CNTNAP2: variants seen among roughly 807,000 people sequenced by gnomAD.
CNTNAP2 encodes contactin associated protein 2.
A neutral mutation model predicts 155.2 loss-of-function variants in CNTNAP2; 98 were observed. That is an observed-to-expected ratio of 0.63 (90% confidence interval 0.54 to 0.75). The LOEUF is 0.75. Ranked by LOEUF, CNTNAP2 falls within the 30% of genes least tolerant of loss-of-function variation. CNTNAP2 has a pLI of 0.00. For synonymous variants in CNTNAP2, 651 were observed against 631.2 expected (o/e 1.03, Z -0.47); for missense variants, 1,727 against 1,688.1 (o/e 1.02, Z -0.40).
rs752846444 is a variant in CNTNAP2 at position 148,217,370 on chromosome 7, C to T, written c.3093C>T (p.Ser1031=). The T allele has an allele frequency of 8.7e-6, 14 of 1,614,160 alleles. No homozygotes were observed. The South Asian group carries it at 1.5e-4, about 18-fold the overall frequency. The change falls in exon 19 of 24, where the codon AGC becomes AGT. Residue 1031 remains serine, a synonymous_variant. Transcript: ENST00000361727. ...CAACAAATGCCAGAGACTCCAGCAG[C>T]AGAGTAGACAACGCTCCCGACCAGC... ...APATNARDSS[S]RVDNAPDQQN... is the part of the protein sequence containing the mutation.
chr7:147,891,690 A>G (rs1013792199), intron 13 of CNTNAP2, among the ~76,000 whole-genome samples: 1 of 152,248 alleles, frequency 6.6e-6, no homozygotes, highest in African/African-American at 2.4e-5. Context: ...TACCTGGAAT[A>G]TAACATAAAT....
chr7:147,880,970 A>G (rs1465303256), intron 13 of CNTNAP2, among the ~76,000 whole-genome samples: 1 of 151,902 alleles, frequency 6.6e-6, no homozygotes, highest in South Asian at 2.1e-4. Flanking sequence ...AATAATGTAC[A>G]TCTCCTGAGA....
At chr7:147,368,776 T>C (rs1796289943) in intron 9 of CNTNAP2, among the ~76,000 whole-genome samples, 2 of 152,220 alleles carry the variant, frequency 1.3e-5, no homozygotes, top group East Asian at 1.9e-4. Flanking sequence ...AAAGAGTTCC[T>C]CTTATTGCTG....
intron 1 of CNTNAP2, among the ~76,000 whole-genome samples, chr7:146,308,301 T>C (rs1800753630): frequency 6.6e-6 from 1 of 152,122 alleles, no homozygotes; most frequent in African/African-American, 2.4e-5. Context: ...CCAGTTAGAA[T>C]GGCAATCATT....
chr7:147,557,053 C>A (rs987300677), intron 11 of CNTNAP2, among the ~76,000 whole-genome samples: 4 of 150,586 alleles, frequency 2.7e-5, no homozygotes, highest in Non-Finnish European at 4.4e-5. Context: ...AGGCGGGGGT[C>A]AGGATTTTGA....
intron 14 of CNTNAP2, among the ~76,000 whole-genome samples, chr7:147,948,625 A>T (rs1472967800): frequency 6.9e-6 from 1 of 144,098 alleles, no homozygotes; most frequent in Admixed American, 6.9e-5. Flanking sequence ...ATACATATAT[A>T]TTTACACACA....
At chr7:147,839,446 G>A (rs943407689) in intron 13 of CNTNAP2, among the ~76,000 whole-genome samples, 1 of 152,196 alleles carries the variant, frequency 6.6e-6, no homozygotes, top group African/African-American at 2.4e-5. Flanking sequence ...GTGAGGCTGG[G>A]TGGCGGTAAA....
At position 147,902,794 on chromosome 7, in the gene CNTNAP2, G is replaced by GTGTGTGTA. The variant is rs1554447655; in HGVS notation, c.2099-764_2099-763insATGTGTGT. On this transcript the variant is annotated intron_variant, in intron 13 of 23. Coordinates refer to ENST00000361727, the MANE Select transcript of CNTNAP2 (RefSeq NM_014141.6). ...CATATATGTTTGTGTGTGTGTGTGT[G>GTGTGTGTA]TGTGTGTGTGTGTGTGTGTATGTGT... Among the ~76,000 whole-genome samples, 20 of 137,140 alleles carry GTGTGTGTA rather than the reference G, an allele frequency of 1.5e-4. No homozygotes were observed. The East Asian group carries it at 2.4e-3, about 16-fold the overall frequency. 90.0% of individuals were successfully genotyped at this position (137,140 alleles called of 152,430 possible). A position where few individuals can be genotyped will look rare whatever the true frequency, so the allele number is the denominator to read the frequency against.
chr7:147,927,672 T>C (rs1259826527), intron 14 of CNTNAP2, among the ~76,000 whole-genome samples: 1 of 152,224 alleles, frequency 6.6e-6, no homozygotes, highest in Non-Finnish European at 1.5e-5. Context: ...TTAACTATAC[T>C]TGATCAATAA....
At chr7:147,334,024 C>T (rs1466810562) in intron 9 of CNTNAP2, among the ~76,000 whole-genome samples, 1 of 152,162 alleles carries the variant, frequency 6.6e-6, no homozygotes, top group African/African-American at 2.4e-5. Context: ...CTTTCAAGGG[C>T]TCATGTGCTT....
rs554671452 is a variant in CNTNAP2, at chr7:146,666,988, T to C, written c.98-107283T>C. On this transcript the variant is annotated intron_variant, in intron 1 of 23. Coordinates refer to ENST00000361727, the MANE Select transcript of CNTNAP2 (RefSeq NM_014141.6). ...TGTGCAGAAGCTTTTTAGTTTGATA[T>C]GATACCATTTGTTTATTTTTGCTTT... Among the ~76,000 whole-genome samples, 130 of 152,232 alleles carry C rather than the reference T, an allele frequency of 8.5e-4. No homozygotes were observed. In the South Asian group the frequency reaches 0.016, roughly 19 times the overall value.
At chr7:146,716,626 C>T (rs1190886816) in intron 1 of CNTNAP2, among the ~76,000 whole-genome samples, 5 of 152,168 alleles carry the variant, frequency 3.3e-5, no homozygotes, top group Non-Finnish European at 5.9e-5. Context: ...GTCTATCATT[C>T]TATAAACCAC....
intron 1 of CNTNAP2, among the ~76,000 whole-genome samples, chr7:146,147,802 T>C (rs1287732493): frequency 1.3e-5 from 2 of 152,168 alleles, no homozygotes; most frequent in African/African-American, 4.8e-5. Flanking sequence ...ATTAGGAAAT[T>C]TCATTTTCTG....
chr7:147,580,726 C>T (rs1800484001), intron 12 of CNTNAP2, among the ~76,000 whole-genome samples: 1 of 151,940 alleles, frequency 6.6e-6, no homozygotes, highest in South Asian at 2.1e-4. Flanking sequence ...AGCGATTCTC[C>T]TGCTTCAGCC....
chr7:146,765,098 G>A (rs2129184546), intron 1 of CNTNAP2, among the ~76,000 whole-genome samples: 1 of 152,188 alleles, frequency 6.6e-6, no homozygotes, highest in Non-Finnish European at 1.5e-5. Flanking sequence ...AAAGTCTTAT[G>A]TTCTTTTTAA....
intron 19 of CNTNAP2, among the ~76,000 whole-genome samples, chr7:148,218,052 G>T (rs1345637159): frequency 6.6e-6 from 1 of 152,258 alleles, no homozygotes; most frequent in African/African-American, 2.4e-5. Context: ...TTGAGCCCAA[G>T]ATGTCAAGGC....
chr7:146,704,136 A>G (rs1439929405), intron 1 of CNTNAP2, among the ~76,000 whole-genome samples: 2 of 152,166 alleles, frequency 1.3e-5, no homozygotes, highest in African/African-American at 2.4e-5. Flanking sequence ...GTAAATTGCA[A>G]TCATGGAGAG....
At chr7:147,391,871 C>T (rs573329347) in intron 9 of CNTNAP2, among the ~76,000 whole-genome samples, 6 of 151,010 alleles carry the variant, frequency 4.0e-5, no homozygotes, top group Admixed American at 2.6e-4. Flanking sequence ...CATTGTTCAC[C>T]ATCTGGAGAG....
At chr7:146,991,042 G>C (rs1022050775) in intron 3 of CNTNAP2, among the ~76,000 whole-genome samples, 3 of 151,934 alleles carry the variant, frequency 2.0e-5, no homozygotes, top group African/African-American at 7.3e-5. Context: ...GTGCCTACTG[G>C]TTTCAGTTTA....
Sources: allele counts gnomAD v4.1 joint callset (sites outside exome capture counted in the v4.1 genomes callset), GRCh38; gene constraint gnomAD v4.1.1; transcripts MANE v1.5; gene names NCBI Gene and HGNC (gene_info 2026-07-23, HGNC 2026-07-21).